The following ABCB11 variants were observed in gnomAD, a reference collection of about 807,000 sequenced individuals.
ABCB11 encodes bile salt export pump.
ABCB11 carries 95 observed loss-of-function variants against 148.0 expected under a neutral mutation model. That is an observed-to-expected ratio of 0.64 (90% CI 0.54 to 0.76). The LOEUF (loss-of-function observed/expected upper bound fraction) is 0.76. ABCB11 is among the 30% of genes least tolerant of loss of function. ABCB11 has a pLI of 0.00. For missense variants in ABCB11, 1,523 were observed against 1,617.8 expected, an observed-to-expected ratio of 0.94 and a Z score of 1.01; for synonymous variants, 591 against 555.4, an observed-to-expected ratio of 1.06 and a Z score of -0.90.
intron 1 of ABCB11, among the ~76,000 whole-genome samples, chr2:169,019,737 C>A (rs1392315143): frequency 1.3e-5 from 2 of 152,138 alleles, no homozygotes; most frequent in Non-Finnish European, 1.5e-5. Flanking sequence ...GGGGAAAATG[C>A]ATATTCAAAT....
intron 19 of ABCB11, among the ~76,000 whole-genome samples, chr2:168,948,723 T>C (rs941204131): frequency 6.6e-6 from 1 of 151,818 alleles, no homozygotes; most frequent in Non-Finnish European, 1.5e-5. Flanking sequence ...TAAAAGTTTA[T>C]GGCACCATAT....
At chr2:169,001,859 T>C (rs1694884054) in intron 5 of ABCB11, among the ~76,000 whole-genome samples, 1 of 152,172 alleles carries the variant, frequency 6.6e-6, no homozygotes, top group Non-Finnish European at 1.5e-5. Context: ...ATCAACATGT[T>C]ATTACTTGGC....
At chr2:168,917,895 A>G (rs1690972022), downstream of ABCB11, among the ~76,000 whole-genome samples, 1 of 152,222 alleles carries the variant, frequency 6.6e-6, no homozygotes, top group Non-Finnish European at 1.5e-5. Context: ...TGTGCTGTAA[A>G]TGTAAATGCA....
chr2:168,982,740 T>G (rs1276105028), intron 10 of ABCB11, among the ~76,000 whole-genome samples: 1 of 151,956 alleles, frequency 6.6e-6, no homozygotes, highest in Non-Finnish European at 1.5e-5. Context: ...CCTTCATAGT[T>G]TGCTGCTCAG....
At chr2:168,967,218 G>C (rs1269579461) in intron 17 of ABCB11, among the ~76,000 whole-genome samples, 1 of 151,792 alleles carries the variant, frequency 6.6e-6, no homozygotes, top group Non-Finnish European at 1.5e-5. Context: ...TTACTACCAG[G>C]TGCCTATAAC....
intron 12 of ABCB11, 122 bp from the exon 13 acceptor site, chr2:168,973,962 C>A: frequency 9.4e-7 from 1 of 1,068,334 alleles, no homozygotes; most frequent in Non-Finnish European, 1.3e-6. Flanking sequence ...TATGTATGCC[C>A]CCAAAGCAAC....
rs1259399947 is a variant in ABCB11, at chr2:168,993,902, T to C, written c.612-20A>G. 1 of 1,592,088 alleles carries C rather than the reference T, an allele frequency of 6.3e-7. No individual in the cohort carries two copies. The highest frequency in any genetic ancestry group is 1.4e-5 in the African/African-American group (1 of 73,820). ...ATATCACTAGAAACCAGAAAGATTTTGGTCACTAAAACTGAATTTGATCAT... is the reference window on the plus strand; with the variant it reads ...ATATCACTAGAAACCAGAAAGATTTCGGTCACTAAAACTGAATTTGATCAT... On this transcript the variant is annotated intron_variant, in intron 7 of 27. Coordinates refer to ENST00000650372, the MANE Select transcript of ABCB11 (RefSeq NM_003742.4).
intron 26 of ABCB11, among the ~76,000 whole-genome samples, chr2:168,926,854 C>T (rs1250880908): frequency 2.0e-5 from 3 of 152,106 alleles, no homozygotes; most frequent in African/African-American, 7.2e-5. Flanking sequence ...TCAAGTCTAA[C>T]CACAAAATTC....
In ABCB11 at chr2:168,922,139, G is replaced by T. The variant is rs1489592646; in HGVS notation, c.*1483C>A. ...GCTGGGATTACAGGAGTGAGCCACA[G>T]CGCCTGGCCCGACCTCTTTTCTAAG... On this transcript the variant is annotated 3_prime_UTR_variant, in exon 28 of 28. Coordinates refer to ENST00000650372, the MANE Select transcript of ABCB11 (RefSeq NM_003742.4). 6.6e-6 allele frequency among the ~76,000 whole-genome samples: 1 copy of T among 152,126 alleles called. No homozygotes were observed. The highest frequency in any genetic ancestry group is 2.4e-5 in the African/African-American group (1 of 41,428).
In ABCB11 at chr2:169,004,054, C is replaced by T. The variant is rs12618846; in HGVS notation, c.390-7332G>A. On this transcript the variant is annotated intron_variant, in intron 5 of 27. Transcript: ENST00000650372. ...CTGATAGGTTTTCCTTTATAGGTTA[C>T]CTGGTGCTTTTGCCTCACAGCTCTT... Among the ~76,000 whole-genome samples, 2,261 of 152,236 alleles carry T rather than the reference C, an allele frequency of 0.015. 246 individuals are homozygous for T. In the East Asian group the frequency reaches 0.29, roughly 20 times the overall value.
At chr2:169,019,795 A>G (rs1001181803) in intron 1 of ABCB11, among the ~76,000 whole-genome samples, 3 of 152,228 alleles carry the variant, frequency 2.0e-5, no homozygotes, top group Non-Finnish European at 4.4e-5. Flanking sequence ...TAGAGGCTAG[A>G]AAACAGTGGC....
chr2:168,955,249 A>G (rs1226174969), intron 19 of ABCB11, among the ~76,000 whole-genome samples: 1 of 151,702 alleles, frequency 6.6e-6, no homozygotes, highest in Non-Finnish European at 1.5e-5. Context: ...CGGCATTTCA[A>G]GAAATTCTTT....
intron 1 of ABCB11, among the ~76,000 whole-genome samples, chr2:169,028,137 A>G (rs574609071): frequency 2.0e-5 from 3 of 151,984 alleles, no homozygotes; most frequent in East Asian, 1.9e-4. Context: ...GAAAATGTCA[A>G]TCCCTGTACT....
rs543993536 is a variant in ABCB11, at chr2:168,978,352, T to C, written c.1197+1514A>G. On this transcript the variant is annotated intron_variant, in intron 11 of 27. Transcript: ENST00000650372. ...GTAGAGACAGGGTTGCCCAGGCTTGTCTCAAACTCCTGGGCTCAAGCTATC... is the reference window on the plus strand; with the variant it reads ...GTAGAGACAGGGTTGCCCAGGCTTGCCTCAAACTCCTGGGCTCAAGCTATC... Among the ~76,000 whole-genome samples, 184 of 151,824 alleles carry C rather than the reference T, an allele frequency of 1.2e-3. 1 individual carries two copies. The highest frequency in any genetic ancestry group is 2.3e-3 in the Non-Finnish European group (156 of 67,902).
chr2:168,996,774 A>AATGTAATCTCTGGTGGCTT, intron 5 of ABCB11, 52 bp from the exon 6 acceptor site: 1 of 1,108,646 alleles, frequency 9.0e-7, no homozygotes, highest in Non-Finnish European at 1.3e-6. Context: ...TCAAGCCACC[A>AATGTAATCTCTGGTGGCTT]GAGATTACAT....
Position 168,972,175 on chromosome 2 carries a change from T to C in ABCB11, c.1435-125A>G, listed in dbSNP as rs1693612860. 42 of 803,802 alleles carry C rather than the reference T, an allele frequency of 5.2e-5. No individual in the cohort carries two copies. The South Asian group carries it at 6.9e-4, about 13-fold the overall frequency. 49.8% of individuals were successfully genotyped at this position (803,802 alleles called of 1,614,324 possible). On this transcript the variant is annotated intron_variant, in intron 13 of 27. Coordinates refer to ENST00000650372, the MANE Select transcript of ABCB11 (RefSeq NM_003742.4). Reference sequence around the variant, plus strand: ...CCAATAAGATTCTAATGGAAACAATTCCTCTTGAAATGTGGTTCTTTATAT... The same window carrying C: ...CCAATAAGATTCTAATGGAAACAATCCCTCTTGAAATGTGGTTCTTTATAT...
At chr2:168,993,140 T>A (rs1694595589) in intron 8 of ABCB11, among the ~76,000 whole-genome samples, 1 of 152,066 alleles carries the variant, frequency 6.6e-6, no homozygotes, top group East Asian at 1.9e-4. Flanking sequence ...AGAGGTTATC[T>A]GAAAGATAAG....
At chr2:168,935,034 C>T (rs1691751666) in intron 23 of ABCB11, 150 bp downstream of exon 23, 1 of 1,182,218 alleles carries the variant, frequency 8.5e-7, no homozygotes, top group East Asian at 2.4e-5. Context: ...GCCCTGATGA[C>T]CCACAGAATC....
At chr2:169,023,327 G>A (rs1440241000) in intron 1 of ABCB11, among the ~76,000 whole-genome samples, 1 of 152,170 alleles carries the variant, frequency 6.6e-6, no homozygotes, top group Non-Finnish European at 1.5e-5. Flanking sequence ...ACAGCCTCCT[G>A]AGATGGGTAT....
Sources: gnomAD v4.1 joint callset for allele counts (sites outside exome capture counted in the v4.1 genomes callset) on GRCh38, gnomAD v4.1.1 for gene constraint, MANE v1.5 for transcripts, NCBI Gene and HGNC (gene_info 2026-07-23, HGNC 2026-07-21) for gene names.